Variants in SVIL observed in about 807,000 individuals in gnomAD.
SVIL encodes supervillin, also known as archvillin.
Under a neutral mutation model 240.4 loss-of-function variants are expected in SVIL, and 101 were observed. The observed-to-expected ratio is 0.42, with a 90% confidence interval of 0.36 to 0.50. The LOEUF is 0.50. SVIL is among the 20% of genes least tolerant of loss of function. SVIL has a pLI of 0.01. For missense variants in SVIL, 2,512 were observed against 2,818.7 expected (o/e 0.89, Z 2.46); for synonymous variants, 999 against 1,100.0 (o/e 0.91, Z 1.82).
intron 7 of SVIL, among the ~76,000 whole-genome samples, chr10:29,534,370 G>T (rs547819810): frequency 2.0e-5 from 3 of 152,270 alleles, no homozygotes; most frequent in Non-Finnish European, 4.4e-5. Context: ...AGGTGCAGTG[G>T]CGTGTGCCTG....
intron 1 of SVIL, among the ~76,000 whole-genome samples, chr10:29,734,386 A>G (rs528614790): frequency 9.8e-4 from 150 of 152,324 alleles, no homozygotes; most frequent in African/African-American, 3.5e-3. Flanking sequence ...GCTCTTCAGT[A>G]ACCGACTTTG....
At chr10:29,572,776 A>AG (rs1955495589) in intron 1 of SVIL, among the ~76,000 whole-genome samples, 1 of 150,192 alleles carries the variant, frequency 6.7e-6, no homozygotes, top group East Asian at 1.9e-4. Flanking sequence ...AAAAAAAAAA[A>AG]AAAAAGAAAA....
intron 1 of SVIL, among the ~76,000 whole-genome samples, chr10:29,611,092 C>A (rs1957228299): frequency 6.6e-6 from 1 of 152,068 alleles, no homozygotes; most frequent in Admixed American, 6.5e-5. Context: ...AACACTTATA[C>A]CCAACTCACT....
At chr10:29,690,027 G>A (rs1430590128) in intron 1 of SVIL, among the ~76,000 whole-genome samples, 3 of 150,466 alleles carry the variant, frequency 2.0e-5, no homozygotes, top group Non-Finnish European at 4.4e-5. Flanking sequence ...TTTCTACAGT[G>A]ATTTTAGTAT....
intron 1 of SVIL, among the ~76,000 whole-genome samples, chr10:29,633,864 A>C (rs1182867439): frequency 6.6e-6 from 1 of 152,164 alleles, no homozygotes; most frequent in Non-Finnish European, 1.5e-5. Flanking sequence ...ACCTACAGTG[A>C]GGTTTTTCTC....
At chr10:29,462,178 C>T in intron 36 of SVIL, 99 bp downstream of exon 36, 1 of 1,407,266 alleles carries the variant, frequency 7.1e-7, no homozygotes. Flanking sequence ...AATATTTTCC[C>T]ACTCTGAAAG....
chr10:29,555,575 C>A (rs1953850187), intron 3 of SVIL, among the ~76,000 whole-genome samples: 1 of 152,072 alleles, frequency 6.6e-6, no homozygotes, highest in South Asian at 2.1e-4. Context: ...GTATATGTCA[C>A]ATATATAGGT....
intron 2 of SVIL, among the ~76,000 whole-genome samples, chr10:29,659,257 A>G (rs1448260721): frequency 6.6e-6 from 1 of 152,192 alleles, no homozygotes; most frequent in Non-Finnish European, 1.5e-5. Flanking sequence ...CCCAGACTAC[A>G]GAGGAAAGCC....
chr10:29,486,217 T>C lies in SVIL; in HGVS notation c.4647A>G (p.Pro1549=), dbSNP rs1199179711. Residue 1549 remains proline (P), a synonymous_variant, in exon 26 of 38, where the codon CCA becomes CCG. Coordinates refer to ENST00000355867, the MANE Select transcript of SVIL (RefSeq NM_021738.3). The part of the protein sequence containing the change: ...GQTSYQSAGD[P]KEDELYEAAI... ...CTGCTTCATAGAGTTCATCTTCTTT[T>C]GGGTCTCCAGCAGCTTGGGGATAAG... The C allele has an allele frequency of 3.1e-6, 5 of 1,614,210 alleles. No individual in the cohort carries two copies. The highest frequency in any genetic ancestry group is 4.2e-6 in the Non-Finnish European group (5 of 1,180,028).
intron 2 of SVIL, among the ~76,000 whole-genome samples, chr10:29,674,653 GA>G (rs1230118750): frequency 6.6e-6 from 1 of 152,162 alleles, no homozygotes; most frequent in Non-Finnish European, 1.5e-5. Flanking sequence ...TGTAACAAAT[GA>G]CTATGTACGT....
chr10:29,512,816 T>C lies in SVIL; in HGVS notation c.3435A>G (p.Arg1145=). The part of the protein sequence containing the change: ...KKSGEEDWRN[R]LSRRQEGGKA... ...TGCCGCCCTCCTGCCTCCTGCTGAG[T>C]CTGTTTCTCCAATCTTCCTCCCCGC... Residue 1145 remains arginine (R), a synonymous_variant, in exon 17 of 38, where the codon AGA becomes AGG. Coordinates refer to ENST00000355867, the MANE Select transcript of SVIL (RefSeq NM_021738.3). 6.2e-7 allele frequency: 1 copy of C among 1,612,642 alleles called. No individual in the cohort carries two copies. The highest frequency in any genetic ancestry group is 1.1e-5 in the South Asian group (1 of 91,024).
At chr10:29,720,067 G>A (rs1307560171) in intron 1 of SVIL, among the ~76,000 whole-genome samples, 1 of 152,188 alleles carries the variant, frequency 6.6e-6, no homozygotes, top group African/African-American at 2.4e-5. Context: ...AAGCAGCTGG[G>A]CGTGGTGGCA....
chr10:29,529,769 G>A lies in SVIL; in HGVS notation c.2182C>T (p.Arg728Cys), dbSNP rs757759541. The change falls in exon 12 of 38, where the codon CGC (arginine) becomes TGC (cysteine). Residue 728 changes from arginine (R) to cysteine (C), a missense_variant. Physicochemically the swap from Arg to Cys is radical, Grantham distance 180. Coordinates refer to ENST00000355867, the MANE Select transcript of SVIL (RefSeq NM_021738.3). ...GTGAGGGACCTGTCCTGCAGACGGC[G>A]TAGCCTCTGCTCCACAGCTGTGTTT... The part of the protein sequence containing the change: ...SRNTAVEQRL[R>C]RLQDRSLTQP... The A allele has an allele frequency of 1.8e-5, 29 of 1,613,758 alleles. No individual in the cohort carries two copies. Among genetic ancestry groups the A allele is most frequent in the Admixed American group, 5.0e-5 (3 of 59,972 alleles).
At chr10:29,556,945 A>C (rs1953988059) in intron 3 of SVIL, among the ~76,000 whole-genome samples, 1 of 152,232 alleles carries the variant, frequency 6.6e-6, no homozygotes, top group African/African-American at 2.4e-5. Context: ...AGAAGCTATC[A>C]AAACCAAATT....
chr10:29,465,057 A>G (rs1944733306), intron 34 of SVIL, among the ~76,000 whole-genome samples: 1 of 152,140 alleles, frequency 6.6e-6, no homozygotes, highest in African/African-American at 2.4e-5. Context: ...TTGCTTCCCC[A>G]GGCTCCCTTG....
At chr10:29,584,252 T>C (rs545371796) in intron 1 of SVIL, among the ~76,000 whole-genome samples, 4 of 152,234 alleles carry the variant, frequency 2.6e-5, no homozygotes, top group South Asian at 4.2e-4. Context: ...TCCCTCTGCA[T>C]GGTAAATGCG....
chr10:29,486,642 C>G (rs1947427764), intron 24 of SVIL, 85 bp from the exon 25 acceptor site: 2 of 1,528,254 alleles, frequency 1.3e-6, no homozygotes, highest in South Asian at 2.4e-5. Context: ...AGAGGAGAAA[C>G]AGTGTGCCTG....
intron 2 of SVIL, among the ~76,000 whole-genome samples, chr10:29,565,136 C>T (rs28655575): frequency 0.064 from 9,756 of 152,212 alleles, 370 homozygotes; most frequent in Admixed American, 0.12. Flanking sequence ...ACTTACCTTG[C>T]GGTACAAATG....
intron 29 of SVIL, among the ~76,000 whole-genome samples, chr10:29,476,872 CT>C (rs1564475851): frequency 6.6e-6 from 1 of 151,358 alleles, no homozygotes; most frequent in Non-Finnish European, 1.5e-5. Context: ...CTGGGCTATT[CT>C]TTTTTTTGAG....
Sources: allele counts gnomAD v4.1 joint callset (sites outside exome capture counted in the v4.1 genomes callset), GRCh38; gene constraint gnomAD v4.1.1; transcripts MANE v1.5; gene names NCBI Gene and HGNC (gene_info 2026-07-23, HGNC 2026-07-21).